ROBO2: variants seen among roughly 807,000 people sequenced by gnomAD.
ROBO2 encodes the protein roundabout homolog 2.
In ROBO2, 53 loss-of-function variants were observed where a neutral mutation model predicts 160.8. The observed-to-expected ratio is 0.33, with a 90% CI of 0.26 to 0.41. ROBO2 has a LOEUF of 0.41. Among genes scored for constraint, ROBO2 ranks in the 10% least tolerant of loss-of-function variants. The pLI is 1.00. For missense variants in ROBO2, 1,577 were observed against 1,722.4 expected (o/e 0.92, Z 1.49); for synonymous variants, 664 against 611.7 (o/e 1.09, Z -1.26).
At chr3:76,962,798 C>A (rs1353388367) in intron 2 of ROBO2, among the ~76,000 whole-genome samples, 1 of 152,080 alleles carries the variant, frequency 6.6e-6, no homozygotes, top group Non-Finnish European at 1.5e-5. Flanking sequence ...AGAGCAAGAC[C>A]TTGTCTAAAA....
rs577086028 is a variant in ROBO2 at position 76,161,293 on chromosome 3, A to G, written c.109+223691A>G. On this transcript the variant is annotated intron_variant, in intron 2 of 26. Transcript: ENST00000487694. ...GATCCCTGTGAAGGAAAAAAGAACAACTCTTTATAAATGTCCTTAATGTGT... is the reference window on the plus strand; with the variant it reads ...GATCCCTGTGAAGGAAAAAAGAACAGCTCTTTATAAATGTCCTTAATGTGT... Among the ~76,000 whole-genome samples the G allele has an allele frequency of 3.4e-4, 52 of 151,780 alleles. 1 individual carries two copies. The highest frequency in any genetic ancestry group is 3.4e-3 in the Middle Eastern group (1 of 294).
intron 2 of ROBO2, among the ~76,000 whole-genome samples, chr3:76,460,072 C>A (rs2077999599): frequency 6.6e-6 from 1 of 151,792 alleles, no homozygotes; most frequent in Non-Finnish European, 1.5e-5. Flanking sequence ...TCTAATTATC[C>A]TCCATTTCTG....
chr3:76,304,798 CTCTTTCTTTT>C (rs1559737315), intron 2 of ROBO2, among the ~76,000 whole-genome samples: 16 of 85,594 alleles, frequency 1.9e-4, no homozygotes, highest in African/African-American at 7.3e-4. Flanking sequence ...TTCTTTCTTT[CTCTTTCTTTT>C]TTTTTGTCTG....
chr3:76,051,217 A>G (rs1387252), intron 2 of ROBO2, among the ~76,000 whole-genome samples: 2,088 of 151,696 alleles, frequency 0.014, 119 homozygotes, highest in East Asian at 0.12. Context: ...TCTAAAATAC[A>G]TTTTCTTCGT....
intron 5 of ROBO2, among the ~76,000 whole-genome samples, chr3:77,495,828 A>G (rs562618644): frequency 6.6e-6 from 1 of 152,206 alleles, no homozygotes; most frequent in African/African-American, 2.4e-5. Context: ...AAAATAGAGA[A>G]TTGTAAGTGT....
chr3:76,716,822 A>G (rs1030391118), intron 2 of ROBO2, among the ~76,000 whole-genome samples: 2 of 152,216 alleles, frequency 1.3e-5, no homozygotes, highest in African/African-American at 2.4e-5. Context: ...TGGGATGGCC[A>G]GTGGCAAGCT....
chr3:77,648,523 A>C (rs1182754413), exon 26 of ROBO2: 3 of 152,178 alleles, frequency 2.0e-5, no homozygotes, highest in African/African-American at 7.2e-5. Context: ...GTTACTTGGA[A>C]TGTTCTTTCA....
At chr3:76,010,627 C>G (rs1388082670) in intron 2 of ROBO2, among the ~76,000 whole-genome samples, 1 of 152,220 alleles carries the variant, frequency 6.6e-6, no homozygotes, top group Non-Finnish European at 1.5e-5. Flanking sequence ...TTGCTGGATG[C>G]TCACCTTGAA....
intron 2 of ROBO2, among the ~76,000 whole-genome samples, chr3:76,918,269 C>T (rs994232969): frequency 3.9e-5 from 6 of 152,100 alleles, no homozygotes; most frequent in Admixed American, 2.0e-4. Flanking sequence ...AGTGAGTTCT[C>T]GTGAGATCTG....
chr3:76,018,790 G>T (rs1264378744), intron 2 of ROBO2, among the ~76,000 whole-genome samples: 4 of 151,250 alleles, frequency 2.6e-5, no homozygotes, highest in African/African-American at 9.7e-5. Context: ...GCTAATATTT[G>T]CATTGTGGCC....
intron 2 of ROBO2, among the ~76,000 whole-genome samples, chr3:76,126,909 G>A (rs946524208): frequency 1.3e-5 from 2 of 152,068 alleles, no homozygotes; most frequent in Non-Finnish European, 2.9e-5. Flanking sequence ...AAAACTACAA[G>A]ATTTGTTTAA....
chr3:77,258,636 A>AAT (rs2058580161), intron 2 of ROBO2, among the ~76,000 whole-genome samples: 1 of 108,860 alleles, frequency 9.2e-6, no homozygotes, highest in Non-Finnish European at 2.3e-5. Flanking sequence ...AAAAAAAAAA[A>AAT]GGAAGAAAAA....
chr3:76,052,874 T>C (rs2107824832), intron 2 of ROBO2, among the ~76,000 whole-genome samples: 1 of 152,164 alleles, frequency 6.6e-6, no homozygotes, highest in South Asian at 2.1e-4. Context: ...AGCTCAGTGG[T>C]CATATCTCAT....
At chr3:77,614,166 T>C (rs549081289) in intron 21 of ROBO2, among the ~76,000 whole-genome samples, 1 of 152,226 alleles carries the variant, frequency 6.6e-6, no homozygotes, top group Non-Finnish European at 1.5e-5. Flanking sequence ...CATTCTGATA[T>C]TTTCATAGAT....
intron 2 of ROBO2, among the ~76,000 whole-genome samples, chr3:76,796,583 AT>A (rs1354064571): frequency 1.3e-5 from 2 of 151,950 alleles, no homozygotes; most frequent in Non-Finnish European, 2.9e-5. Flanking sequence ...TAAAATGACA[AT>A]AATAAGCTAT....
At chr3:76,691,481 AAAATT>A (rs2092800675) in intron 2 of ROBO2, among the ~76,000 whole-genome samples, 1 of 152,206 alleles carries the variant, frequency 6.6e-6, no homozygotes, top group Non-Finnish European at 1.5e-5. Context: ...AAGCTAAAAA[AAAATT>A]AAATGGGCAA....
chr3:75,980,721 T>C (rs562597577), intron 2 of ROBO2, among the ~76,000 whole-genome samples: 46 of 151,662 alleles, frequency 3.0e-4, no homozygotes, highest in Non-Finnish European at 6.2e-4. Flanking sequence ...ACTGGACACA[T>C]ATATCTCTGA....
At chr3:76,738,084 T>C (rs991930678) in intron 2 of ROBO2, among the ~76,000 whole-genome samples, 1 of 151,998 alleles carries the variant, frequency 6.6e-6, no homozygotes, top group Non-Finnish European at 1.5e-5. Flanking sequence ...CAGTGAGCCG[T>C]GATCGCAACA....
chr3:76,619,111 C>A (rs1168021662), intron 2 of ROBO2, among the ~76,000 whole-genome samples: 1 of 151,580 alleles, frequency 6.6e-6, no homozygotes. Flanking sequence ...GAGGCCGAGG[C>A]GGGCGGATCA....
Sources: gnomAD v4.1 joint callset for allele counts (sites outside exome capture counted in the v4.1 genomes callset) on GRCh38, gnomAD v4.1.1 for gene constraint, MANE v1.5 for transcripts, NCBI Gene and HGNC (gene_info 2026-07-23, HGNC 2026-07-21) for gene names.